VPS41: variants seen among roughly 807,000 people sequenced by gnomAD.
VPS41 encodes vacuolar protein sorting-associated protein 41 homolog.
Under a neutral mutation model 130.9 loss-of-function variants are expected in VPS41, and 85 were observed. The ratio of observed to expected loss-of-function variants is 0.65; its 90% CI spans 0.55 to 0.78. The LOEUF (loss-of-function observed/expected upper bound fraction) is 0.78. Ranked by LOEUF, VPS41 falls within the 30% of genes least tolerant of loss-of-function variation. VPS41 has a pLI of 0.00. For synonymous variants in VPS41, 335 were observed against 332.9 expected (o/e 1.01, Z -0.07); for missense variants, 874 against 1,018.7 (o/e 0.86, Z 1.93).
At chr7:38,886,117 A>G (rs1489956071) in intron 2 of VPS41, among the ~76,000 whole-genome samples, 2 of 151,908 alleles carry the variant, frequency 1.3e-5, no homozygotes, top group Non-Finnish European at 2.9e-5. Context: ...TGCATTTCCA[A>G]CTGAGGTACC....
chr7:38,844,881 C>T (rs1044952997), intron 4 of VPS41, among the ~76,000 whole-genome samples: 14 of 152,186 alleles, frequency 9.2e-5, no homozygotes, highest in African/African-American at 2.2e-4. Context: ...CCAACAGCCC[C>T]GTGTGCATGG....
At chr7:38,783,031 T>A (rs1003911405) in intron 10 of VPS41, among the ~76,000 whole-genome samples, 2 of 151,548 alleles carry the variant, frequency 1.3e-5, no homozygotes, top group African/African-American at 4.9e-5. Context: ...GGCAGGAGAA[T>A]CGCTTGAACC....
intron 1 of VPS41, among the ~76,000 whole-genome samples, chr7:38,904,179 T>C (rs1747493073): frequency 6.6e-6 from 1 of 152,162 alleles, no homozygotes; most frequent in Non-Finnish European, 1.5e-5. Flanking sequence ...CAGCCATGAA[T>C]GGGAAGTAGC....
intron 16 of VPS41, among the ~76,000 whole-genome samples, chr7:38,763,932 C>T (rs1380212728): frequency 6.6e-6 from 1 of 152,126 alleles, no homozygotes; most frequent in Non-Finnish European, 1.5e-5. Context: ...AGTTTACCAA[C>T]CTTCACCAAC....
At chr7:38,755,231 G>A (rs1445071315) in intron 19 of VPS41, among the ~76,000 whole-genome samples, 3 of 152,062 alleles carry the variant, frequency 2.0e-5, no homozygotes, top group Non-Finnish European at 2.9e-5. Flanking sequence ...CCCGCCCTCC[G>A]ATGTCTCGGA....
intron 2 of VPS41, among the ~76,000 whole-genome samples, chr7:38,870,421 C>G (rs565094368): frequency 3.9e-4 from 60 of 152,272 alleles, no homozygotes; most frequent in African/African-American, 1.1e-3. Flanking sequence ...GTTGGAACCC[C>G]TGGTCCCCAG....
intron 14 of VPS41, among the ~76,000 whole-genome samples, chr7:38,770,035 C>T (rs1431824072): frequency 3.9e-5 from 6 of 152,178 alleles, no homozygotes; most frequent in South Asian, 2.1e-4. Flanking sequence ...TTTGGGAGGC[C>T]GAGGCAAGCC....
At chr7:38,864,744 T>C (rs954041111) in intron 3 of VPS41, among the ~76,000 whole-genome samples, 11 of 151,786 alleles carry the variant, frequency 7.2e-5, no homozygotes, top group Non-Finnish European at 1.0e-4. Context: ...TGAACTTTTG[T>C]AATTATTGAG....
intron 25 of VPS41, among the ~76,000 whole-genome samples, chr7:38,737,047 TA>T (rs1291286703): frequency 1.3e-5 from 2 of 152,090 alleles, no homozygotes; most frequent in African/African-American, 4.8e-5. Flanking sequence ...CTTAGATTGG[TA>T]GCTGGGGAGA....
intron 2 of VPS41, among the ~76,000 whole-genome samples, chr7:38,875,947 T>C (rs1210469837): frequency 6.6e-6 from 1 of 152,198 alleles, no homozygotes; most frequent in Non-Finnish European, 1.5e-5. Context: ...AAACAGAAAA[T>C]TCAGCATGAG....
intron 7 of VPS41, among the ~76,000 whole-genome samples, chr7:38,798,965 T>C (rs973751629): frequency 6.6e-6 from 1 of 152,044 alleles, no homozygotes; most frequent in Non-Finnish European, 1.5e-5. Context: ...GCCTGGGAAG[T>C]CAGGCAGGTA....
intron 2 of VPS41, among the ~76,000 whole-genome samples, chr7:38,878,908 C>T (rs1217727349): frequency 1.3e-5 from 2 of 152,144 alleles, no homozygotes; most frequent in Admixed American, 1.3e-4. Flanking sequence ...ATCACTTCTG[C>T]TTTTTTCAAA....
At chr7:38,748,812 G>T (rs557200320) in intron 22 of VPS41, among the ~76,000 whole-genome samples, 1 of 151,994 alleles carries the variant, frequency 6.6e-6, no homozygotes, top group South Asian at 2.1e-4. Context: ...AAAATACAGA[G>T]CCTAAAATTA....
chr7:38,842,623 ATT>A lies in VPS41; in HGVS notation c.247-12297_247-12296del, dbSNP rs1785632031. Among the ~76,000 whole-genome samples the A allele has an allele frequency of 2.6e-5, 4 of 152,306 alleles. No individual in the cohort carries two copies. In the South Asian group the frequency reaches 8.3e-4, roughly 32 times the overall value. ...GCTCATTTCCAGCCAGACCCAAAAGATTCACAAGATTCTAAACATCCTGGTTT... is the reference window on the plus strand; with the variant it reads ...GCTCATTTCCAGCCAGACCCAAAAGACACAAGATTCTAAACATCCTGGTTT... On this transcript the variant is annotated intron_variant, in intron 4 of 28. Coordinates refer to ENST00000310301, the MANE Select transcript of VPS41 (RefSeq NM_014396.4).
At chr7:38,843,607 G>T (rs866602813) in intron 4 of VPS41, among the ~76,000 whole-genome samples, 1 of 152,004 alleles carries the variant, frequency 6.6e-6, no homozygotes, top group East Asian at 1.9e-4. Flanking sequence ...GCACGAACCC[G>T]GGAGGCGGAG....
In VPS41 at chr7:38,830,275, A is replaced by G. The variant is rs776879636; in HGVS notation, c.300T>C (p.Gly100=). The G allele has an allele frequency of 6.2e-7, 1 of 1,613,052 alleles. No homozygotes were observed. Among genetic ancestry groups the G allele is most frequent in the Non-Finnish European group, 8.5e-7 (1 of 1,179,016 alleles). Residue 100 remains glycine (G), a synonymous_variant, in exon 5 of 29, where the codon GGT becomes GGC. Transcript: ENST00000310301. ...ATACCTTGCCATCCTCTGAACACAC[A>G]CCCATGTGCTCTCCACTTTCATCCA... ...ISLDESGEHM[G]VCSEDGKVQV...
At chr7:38,892,322 A>G (rs982945827) in intron 2 of VPS41, among the ~76,000 whole-genome samples, 15 of 152,182 alleles carry the variant, frequency 9.9e-5, no homozygotes, top group Non-Finnish European at 1.8e-4. Context: ...GTAGCCTTGC[A>G]AAGTTACCGA....
chr7:38,862,498 C>T (rs765820665), intron 4 of VPS41, 47 bp downstream of exon 4: 5 of 1,199,992 alleles, frequency 4.2e-6, no homozygotes, highest in Non-Finnish European at 6.0e-6. Context: ...AACACAAATA[C>T]TTAACATGAA....
intron 28 of VPS41, 21 bp from the exon 29 acceptor site, chr7:38,726,347 C>A: frequency 6.3e-7 from 1 of 1,578,494 alleles, no homozygotes; most frequent in South Asian, 1.1e-5. Context: ...AATTTAAAAA[C>A]ACATATTTAA....
Sources: gnomAD v4.1 joint callset for allele counts (sites outside exome capture counted in the v4.1 genomes callset) on GRCh38, gnomAD v4.1.1 for gene constraint, MANE v1.5 for transcripts, NCBI Gene and HGNC (gene_info 2026-07-23, HGNC 2026-07-21) for gene names.